Variants in FHIT observed in about 807,000 individuals in gnomAD.
FHIT encodes fragile histidine triad diadenosine triphosphatase, also known as bis(5'-adenosyl)-triphosphatase.
Under a neutral mutation model 17.9 loss-of-function variants are expected in FHIT, and 19 were observed. That is an observed-to-expected ratio of 1.06 (90% CI 0.74 to 1.56). The LOEUF (loss-of-function observed/expected upper bound fraction) is 1.56. FHIT is among the 40% of genes most tolerant of loss of function. The probability of loss-of-function intolerance (pLI) is 0.00; values close to 1 mark genes in which losing one functional copy is unlikely to be tolerated. For missense variants in FHIT, 248 were observed against 189.2 expected (o/e 1.31, Z -1.82); for synonymous variants, 81 against 69.7 (o/e 1.16, Z -0.81).
At chr3:60,680,218 T>C (rs1337926894) in intron 4 of FHIT, among the ~76,000 whole-genome samples, 3 of 152,200 alleles carry the variant, frequency 2.0e-5, no homozygotes, top group Non-Finnish European at 4.4e-5. Flanking sequence ...AATTGTTAGA[T>C]TTATTTTTCC....
intron 5 of FHIT, among the ~76,000 whole-genome samples, chr3:60,385,090 T>A (rs74814837): frequency 0.012 from 1,879 of 152,248 alleles, 42 homozygotes; most frequent in African/African-American, 0.043. Flanking sequence ...ATGCATACAA[T>A]ATAGCATTTG....
intron 5 of FHIT, among the ~76,000 whole-genome samples, chr3:60,449,801 A>C (rs936512083): frequency 3.9e-5 from 6 of 151,930 alleles, no homozygotes; most frequent in Non-Finnish European, 8.8e-5. Flanking sequence ...TCAAGAGATC[A>C]AGACCATCCT....
intron 2 of FHIT, among the ~76,000 whole-genome samples, chr3:61,080,704 T>C (rs2106774687): frequency 6.6e-6 from 1 of 152,264 alleles, no homozygotes; most frequent in Non-Finnish European, 1.5e-5. Context: ...ATATTGAATA[T>C]TTAAGGTGCT....
intron 4 of FHIT, among the ~76,000 whole-genome samples, chr3:60,757,503 C>G (rs1484477118): frequency 6.6e-6 from 1 of 152,182 alleles, no homozygotes; most frequent in Non-Finnish European, 1.5e-5. Context: ...GTGATTGTGT[C>G]TAAATGAGTC....
intron 4 of FHIT, among the ~76,000 whole-genome samples, chr3:60,648,075 GA>G (rs2039902584): frequency 6.6e-6 from 1 of 152,040 alleles, no homozygotes; most frequent in Admixed American, 6.5e-5. Context: ...TCAAGCTTAG[GA>G]AAAAAGGGAA....
At chr3:60,767,491 T>A (rs2108067080) in intron 4 of FHIT, among the ~76,000 whole-genome samples, 1 of 152,324 alleles carries the variant, frequency 6.6e-6, no homozygotes, top group East Asian at 1.9e-4. Flanking sequence ...ATCATGTGCC[T>A]GGTAAGTGAT....
chr3:59,958,471 G>C (rs1324134775), intron 7 of FHIT, among the ~76,000 whole-genome samples: 2 of 152,098 alleles, frequency 1.3e-5, no homozygotes, highest in Admixed American at 1.3e-4. Flanking sequence ...CCATCTTACA[G>C]ACTGATTCTC....
chr3:60,588,813 C>T (rs9865739), intron 4 of FHIT, among the ~76,000 whole-genome samples: 14,847 of 151,936 alleles, frequency 0.098, 874 homozygotes, highest in African/African-American at 0.17. Flanking sequence ...TCATGCCTGT[C>T]CTGGTGATTG....
intron 7 of FHIT, among the ~76,000 whole-genome samples, chr3:59,994,752 C>T (rs11708751): frequency 0.065 from 9,841 of 152,104 alleles, 372 homozygotes; most frequent in Middle Eastern, 0.15. Context: ...TACAAAGGGT[C>T]GCCATTGATA....
intron 4 of FHIT, among the ~76,000 whole-genome samples, chr3:60,612,138 G>A (rs1214985897): frequency 7.9e-5 from 12 of 152,036 alleles, no homozygotes; most frequent in African/African-American, 2.9e-4. Flanking sequence ...ATCCTAGGGG[G>A]GCTCTCCATG....
At chr3:59,883,930 C>G (rs1318914740) in intron 8 of FHIT, among the ~76,000 whole-genome samples, 2 of 152,138 alleles carry the variant, frequency 1.3e-5, no homozygotes, top group Non-Finnish European at 2.9e-5. Context: ...TATCTATTAT[C>G]TGATTTGGCA....
chr3:60,636,330 A>T (rs907606197), intron 4 of FHIT, among the ~76,000 whole-genome samples: 4 of 152,130 alleles, frequency 2.6e-5, no homozygotes, highest in African/African-American at 9.7e-5. Context: ...TGGCCTCCCA[A>T]AGTGCTGGGA....
chr3:60,584,483 G>A (rs2037846366), intron 4 of FHIT, among the ~76,000 whole-genome samples: 1 of 151,924 alleles, frequency 6.6e-6, no homozygotes, highest in Admixed American at 6.6e-5. Context: ...ATAAACAAAT[G>A]TATTTAGGAT....
chr3:60,843,122 G>T (rs915090852), intron 3 of FHIT, among the ~76,000 whole-genome samples: 2 of 152,086 alleles, frequency 1.3e-5, no homozygotes, highest in African/African-American at 2.4e-5. Context: ...TAAAATTCAC[G>T]TAGGAATGGA....
At chr3:60,719,596 A>G (rs901526360) in intron 4 of FHIT, among the ~76,000 whole-genome samples, 1 of 152,196 alleles carries the variant, frequency 6.6e-6, no homozygotes, top group Non-Finnish European at 1.5e-5. Flanking sequence ...ATGAACTGGC[A>G]GCGTCAGCAG....
intron 4 of FHIT, among the ~76,000 whole-genome samples, chr3:60,545,839 A>T (rs1319335490): frequency 1.7e-5 from 2 of 120,358 alleles, no homozygotes; most frequent in African/African-American, 3.3e-5. Context: ...TATATACATG[A>T]GACATCAAAT....
intron 7 of FHIT, among the ~76,000 whole-genome samples, chr3:59,953,498 C>T (rs979018865): frequency 5.3e-5 from 8 of 152,184 alleles, no homozygotes; most frequent in African/African-American, 9.7e-5. Context: ...TGCATTGCCA[C>T]GCAGACGCCT....
At chr3:60,526,787 C>G (rs2035592192) in intron 5 of FHIT, among the ~76,000 whole-genome samples, 1 of 152,168 alleles carries the variant, frequency 6.6e-6, no homozygotes, top group South Asian at 2.1e-4. Flanking sequence ...TGTCAGCCTG[C>G]AGGTCCTACA....
At chr3:60,370,148 A>C (rs1333491848) in intron 5 of FHIT, among the ~76,000 whole-genome samples, 1 of 152,174 alleles carries the variant, frequency 6.6e-6, no homozygotes, top group African/African-American at 2.4e-5. Flanking sequence ...GCTGCTAGAA[A>C]AACTTACGTC....
Sources: allele counts gnomAD v4.1 joint callset (sites outside exome capture counted in the v4.1 genomes callset), GRCh38; gene constraint gnomAD v4.1.1; transcripts MANE v1.5; gene names NCBI Gene and HGNC (gene_info 2026-07-23, HGNC 2026-07-21).